ARSB: variants seen among roughly 807,000 people sequenced by gnomAD.
ARSB encodes the protein N-acetylgalactosamine-4-sulfatase.
Under a neutral mutation model 50.9 loss-of-function variants are expected in ARSB, and 41 were observed. The ratio of observed to expected loss-of-function variants is 0.81; its 90% CI spans 0.63 to 1.04. ARSB has a LOEUF of 1.04. ARSB is among the 50% of genes least tolerant of loss of function. The pLI is 0.00. For missense variants in ARSB, 672 were observed against 693.3 expected (o/e 0.97, Z 0.35); for synonymous variants, 269 against 284.8 (o/e 0.94, Z 0.56).
At chr5:78,877,092 A>C (rs1380699921) in intron 5 of ARSB, among the ~76,000 whole-genome samples, 1 of 152,148 alleles carries the variant, frequency 6.6e-6, no homozygotes, top group Non-Finnish European at 1.5e-5. Context: ...CCTGTGAGTG[A>C]ACTACTCACA....
chr5:78,930,955 C>T (rs1199555661), intron 4 of ARSB, among the ~76,000 whole-genome samples: 7 of 152,212 alleles, frequency 4.6e-5, no homozygotes, highest in African/African-American at 7.2e-5. Flanking sequence ...GGGAGGAAGG[C>T]GACTGTAGTC....
intron 5 of ARSB, among the ~76,000 whole-genome samples, chr5:78,862,959 A>G (rs1018154646): frequency 2.0e-5 from 3 of 152,338 alleles, no homozygotes; most frequent in African/African-American, 4.8e-5. Flanking sequence ...ATGAACAGAC[A>G]CTTCTCAAAA....
rs566741550 is a variant in ARSB, at chr5:78,784,398, A to G, written c.1214-2424T>C. 1.6e-3 allele frequency among the ~76,000 whole-genome samples: 250 copies of G among 152,370 alleles called. 1 individual carries two copies. The highest frequency in any genetic ancestry group is 5.8e-3 in the African/African-American group (242 of 41,586). On this transcript the variant is annotated intron_variant, in intron 6 of 7. Transcript: ENST00000264914. ...TGTTTATTGCAACACTATTTATAAT[A>G]GTCAAGATATGGAATCAACCTAAGT... is the stretch of plus-strand genomic sequence containing the variant.
Position 78,984,903 on chromosome 5 carries a change from CG to C in ARSB, c.312+33del. ...GGCAGGGCGCCGGCGAAAGGCGGGG[CG>C]GGGGCGGCGCGGGCGGCGGGGGCGC... On this transcript the variant is annotated intron_variant, in intron 1 of 7. Transcript: ENST00000264914. The C allele has an allele frequency of 7.8e-6, 10 of 1,289,390 alleles. No individual in the cohort carries two copies. The South Asian group carries it at 2.3e-4, about 30-fold the overall frequency. The allele number at this position is 1,289,390 out of a possible 1,614,324, so 79.9% of individuals were successfully genotyped here.
chr5:78,870,228 C>G (rs940447439), intron 5 of ARSB, among the ~76,000 whole-genome samples: 5 of 143,524 alleles, frequency 3.5e-5, no homozygotes, highest in Non-Finnish European at 7.6e-5. Context: ...CGAATTCTAC[C>G]AGAGGTACAA....
Position 78,799,264 on chromosome 5 carries a change from T to C in ARSB, c.1214-17290A>G, listed in dbSNP as rs576814044. Among the ~76,000 whole-genome samples, 4 of 152,350 alleles carry C rather than the reference T, an allele frequency of 2.6e-5. No individual in the cohort carries two copies. The South Asian group carries it at 8.3e-4, about 32-fold the overall frequency. On this transcript the variant is annotated intron_variant, in intron 6 of 7. Transcript: ENST00000264914. ...CCTCAAGTGCTCAAGAATCTGTAGA[T>C]GCAGATTTGAATTTGGCAGCTTGGT...
chr5:78,881,946 G>A (rs1747766314), intron 5 of ARSB, among the ~76,000 whole-genome samples: 1 of 152,226 alleles, frequency 6.6e-6, no homozygotes, highest in Admixed American at 6.5e-5. Flanking sequence ...TTTATGTATA[G>A]GTTTAACAAA....
chr5:78,791,033 T>C (rs1749220839), intron 6 of ARSB, among the ~76,000 whole-genome samples: 1 of 152,244 alleles, frequency 6.6e-6, no homozygotes, highest in Non-Finnish European at 1.5e-5. Context: ...TATTTGTTTT[T>C]TATCATTTCA....
chr5:78,853,456 G>A (rs555251127), intron 5 of ARSB, among the ~76,000 whole-genome samples: 23 of 152,366 alleles, frequency 1.5e-4, no homozygotes, highest in Middle Eastern at 6.8e-3. Context: ...TGAGGTGTCA[G>A]TCTGCCCCTA....
chr5:78,810,520 AG>A (rs1036342849), intron 6 of ARSB, among the ~76,000 whole-genome samples: 1 of 152,224 alleles, frequency 6.6e-6, no homozygotes. Flanking sequence ...TTAGTTTGGC[AG>A]GGGGTAGAGT....
chr5:78,917,582 G>C (rs1023063514), intron 4 of ARSB, among the ~76,000 whole-genome samples: 1 of 152,068 alleles, frequency 6.6e-6, no homozygotes, highest in Admixed American at 6.5e-5. Context: ...GCACAATCTT[G>C]GCTCATCGCA....
chr5:78,889,141 C>T (rs1357600612), intron 4 of ARSB, among the ~76,000 whole-genome samples: 1 of 152,160 alleles, frequency 6.6e-6, no homozygotes, highest in Admixed American at 6.5e-5. Flanking sequence ...GGGTGCGGTC[C>T]ATAAGTTCTA....
intron 3 of ARSB, among the ~76,000 whole-genome samples, chr5:78,962,524 A>ATTTT (rs10683109): frequency 0.025 from 2,654 of 106,130 alleles, 262 homozygotes; most frequent in African/African-American, 0.094. Flanking sequence ...CATGTGCTCG[A>ATTTT]TTTTTTTTTT....
chr5:78,942,148 T>C (rs1044689637), intron 4 of ARSB, among the ~76,000 whole-genome samples: 7 of 152,252 alleles, frequency 4.6e-5, no homozygotes, highest in Admixed American at 4.6e-4. Flanking sequence ...TCATTTTTTA[T>C]TGCATCTATT....
chr5:78,815,777 GA>G, intron 6 of ARSB: 2 of 1,210,386 alleles, frequency 1.7e-6, no homozygotes, highest in Non-Finnish European at 1.0e-6. Context: ...TTACTTTTGG[GA>G]AAAGGTAACA....
chr5:78,873,608 G>GCCTC (rs1747338512), intron 5 of ARSB, among the ~76,000 whole-genome samples: 1 of 141,486 alleles, frequency 7.1e-6, no homozygotes, highest in Non-Finnish European at 1.5e-5. Flanking sequence ...CCATTCTCCT[G>GCCTC]CCTCAGCCTC....
rs76974716 is a variant in ARSB at position 78,803,274 on chromosome 5, C to T, written c.1214-21300G>A. 7.2e-3 allele frequency among the ~76,000 whole-genome samples: 1,094 copies of T among 152,302 alleles called. 9 individuals are homozygous for T. Among genetic ancestry groups the T allele is most frequent in the South Asian group, 0.012 (56 of 4,826 alleles). On this transcript the variant is annotated intron_variant, in intron 6 of 7. Coordinates refer to ENST00000264914, the MANE Select transcript of ARSB (RefSeq NM_000046.5). ...ACAGACAATTCTCCCTAACGCACTC[C>T]CCTCTGCACTAGGGACGGCCGCCTC...
At chr5:78,947,513 A>C (rs914803049) in intron 4 of ARSB, among the ~76,000 whole-genome samples, 2 of 152,218 alleles carry the variant, frequency 1.3e-5, no homozygotes, top group African/African-American at 4.8e-5. Context: ...TATAAACGGC[A>C]AACAGGTATA....
chr5:78,948,147 G>A (rs1751330717), intron 4 of ARSB, among the ~76,000 whole-genome samples: 1 of 152,144 alleles, frequency 6.6e-6, no homozygotes, highest in East Asian at 1.9e-4. Context: ...GGGTAGTGGG[G>A]TGAGGGTAGG....
Sources: gnomAD v4.1 joint callset for allele counts (sites outside exome capture counted in the v4.1 genomes callset) on GRCh38, gnomAD v4.1.1 for gene constraint, MANE v1.5 for transcripts, NCBI Gene and HGNC (gene_info 2026-07-23, HGNC 2026-07-21) for gene names.